The following HS6ST2 variants were observed in gnomAD, a reference collection of about 807,000 sequenced individuals.
The protein encoded by HS6ST2 is heparan sulfate 6-O-sulfotransferase 2.
In HS6ST2, 17 loss-of-function variants were observed where a neutral mutation model predicts 33.0. The ratio of observed to expected loss-of-function variants is 0.52; its 90% CI spans 0.35 to 0.77. The LOEUF is 0.77. HS6ST2 is among the 30% of genes least tolerant of loss of function. The probability of loss-of-function intolerance (pLI) is 0.01; values close to 1 mark genes in which losing one functional copy is unlikely to be tolerated. For synonymous variants in HS6ST2, 248 were observed against 237.1 expected (o/e 1.05, Z -0.42); for missense variants, 519 against 551.7 (o/e 0.94, Z 0.59).
At chrX:132,778,348 A>G (rs539454801) in intron 2 of HS6ST2, among the ~76,000 whole-genome samples, 6 of 112,410 alleles carry the variant, frequency 5.3e-5, no homozygotes, top group African/African-American at 1.9e-4. Context: ...TAAAATGTAT[A>G]TCAGATGCTG....
chrX:132,868,452 T>C (rs184755257), intron 2 of HS6ST2, among the ~76,000 whole-genome samples: 1 of 112,278 alleles, frequency 8.9e-6, no homozygotes, highest in Non-Finnish European at 1.9e-5. Context: ...TACAGAATTC[T>C]CCACCCCAAA....
rs374585932 is a variant in HS6ST2 at position 132,944,260 on chromosome X, C to T, written c.947+12548G>A. 9.0e-5 allele frequency among the ~76,000 whole-genome samples: 10 copies of T among 111,115 alleles called. No individual in the cohort carries two copies. The East Asian group carries it at 2.6e-3, about 28-fold the overall frequency. On this transcript the variant is annotated intron_variant, in intron 2 of 4. Transcript: ENST00000370833. Reference sequence around the variant, plus strand: ...TGAGTGAACTCCCATTCACAACTGCCTCAAAGAGAATAAAATACCTAGGAA... The same window carrying T: ...TGAGTGAACTCCCATTCACAACTGCTTCAAAGAGAATAAAATACCTAGGAA...
In HS6ST2 at chrX:132,656,454, T is replaced by G. The variant is rs1275606113; in HGVS notation, c.1067+12659A>C. Among the ~76,000 whole-genome samples, 3 of 110,954 alleles carry G rather than the reference T, an allele frequency of 2.7e-5. No individual in the cohort carries two copies. The East Asian group carries it at 8.5e-4, about 31-fold the overall frequency. ...GGGCTTTTGTATTTTTTATTTTTATTTATTTATTTTTATTTCAATAGCTTT... is the reference window on the plus strand; with the variant it reads ...GGGCTTTTGTATTTTTTATTTTTATGTATTTATTTTTATTTCAATAGCTTT... On this transcript the variant is annotated intron_variant, in intron 4 of 4. Coordinates refer to ENST00000370833, the MANE Select transcript of HS6ST2 (RefSeq NM_001394073.1).
intron 4 of HS6ST2, among the ~76,000 whole-genome samples, chrX:132,639,422 G>T (rs979548370): frequency 9.0e-6 from 1 of 111,561 alleles, no homozygotes; most frequent in Non-Finnish European, 1.9e-5. Context: ...GTGAGTCTTG[G>T]TTCATTAATA....
chrX:132,692,273 G>A (rs935398762), intron 3 of HS6ST2, among the ~76,000 whole-genome samples: 2 of 111,036 alleles, frequency 1.8e-5, no homozygotes, highest in Non-Finnish European at 3.8e-5. Flanking sequence ...TCTTCCGCCC[G>A]GGTGACACAG....
At chrX:132,949,066 A>T (rs1392083003) in intron 2 of HS6ST2, among the ~76,000 whole-genome samples, 1 of 111,634 alleles carries the variant, frequency 9.0e-6, no homozygotes, top group Non-Finnish European at 1.9e-5. Flanking sequence ...TAATACTCTT[A>T]TGCAGTGAAA....
At chrX:132,945,346 C>G (rs1400815424) in intron 2 of HS6ST2, among the ~76,000 whole-genome samples, 1 of 111,650 alleles carries the variant, frequency 9.0e-6, no homozygotes, top group East Asian at 2.8e-4. Flanking sequence ...ATTAAAAAGT[C>G]AAGAAACAAC....
intron 2 of HS6ST2, among the ~76,000 whole-genome samples, chrX:132,916,448 C>T (rs1402933110): frequency 0.016 from 2 of 127 alleles, no homozygotes; most frequent in Non-Finnish European, 0.029. Context: ...TAAGTGTCAA[C>T]TTGATTGGAT....
chrX:132,670,410 T>C (rs1259319152), intron 3 of HS6ST2, among the ~76,000 whole-genome samples: 1 of 110,976 alleles, frequency 9.0e-6, no homozygotes, highest in Admixed American at 9.7e-5. Context: ...TAATGATGGG[T>C]TCCTGGTGAT....
chrX:132,673,512 T>C (rs1003988680), intron 3 of HS6ST2, among the ~76,000 whole-genome samples: 1 of 112,777 alleles, frequency 8.9e-6, no homozygotes, highest in Non-Finnish European at 1.9e-5. Flanking sequence ...AGAGTGCCTC[T>C]GAAATAACAC....
chrX:132,863,962 C>G (rs768226775), intron 2 of HS6ST2, among the ~76,000 whole-genome samples: 6 of 111,595 alleles, frequency 5.4e-5, no homozygotes, highest in African/African-American at 1.6e-4. Context: ...CAAACAGGGT[C>G]TGGACTGGAC....
chrX:132,872,107 T>C (rs1326189062), intron 2 of HS6ST2, among the ~76,000 whole-genome samples: 1 of 111,152 alleles, frequency 9.0e-6, no homozygotes, highest in African/African-American at 3.3e-5. Flanking sequence ...CATTCCAGTA[T>C]TATTCTGGGG....
intron 2 of HS6ST2, among the ~76,000 whole-genome samples, chrX:132,738,654 A>G (rs1206399522): frequency 8.9e-6 from 1 of 111,963 alleles, no homozygotes; most frequent in African/African-American, 3.3e-5. Context: ...TTATGAAAAC[A>G]ACGTTTCATA....
intron 2 of HS6ST2, among the ~76,000 whole-genome samples, chrX:132,926,272 G>T (rs2066709418): frequency 8.9e-6 from 1 of 112,546 alleles, no homozygotes; most frequent in Non-Finnish European, 1.9e-5. Flanking sequence ...TGACAAGAAG[G>T]TACAGTTGTT....
At chrX:132,861,171 A>T (rs2065907919) in intron 2 of HS6ST2, among the ~76,000 whole-genome samples, 1 of 111,626 alleles carries the variant, frequency 9.0e-6, no homozygotes, top group African/African-American at 3.3e-5. Context: ...TGCCATTATA[A>T]ACATTTTCCA....
intron 2 of HS6ST2, among the ~76,000 whole-genome samples, chrX:132,947,088 A>G (rs1372936969): frequency 9.0e-6 from 1 of 111,585 alleles, no homozygotes; most frequent in Non-Finnish European, 1.9e-5. Flanking sequence ...ATGGTCTACA[A>G]GATAATTCAT....
intron 2 of HS6ST2, among the ~76,000 whole-genome samples, chrX:132,880,496 G>C (rs1602797236): frequency 1.0e-5 from 1 of 97,445 alleles, no homozygotes; most frequent in East Asian, 3.3e-4. Context: ...CTACACTCCA[G>C]CCTGGATGGC....
At chrX:132,906,746 C>A (rs1439379116) in intron 2 of HS6ST2, among the ~76,000 whole-genome samples, 6 of 111,285 alleles carry the variant, frequency 5.4e-5, no homozygotes, top group African/African-American at 2.0e-4. Context: ...TGGCTCACTG[C>A]AACCTCTGCC....
chrX:132,746,204 T>C (rs748214003), intron 2 of HS6ST2, among the ~76,000 whole-genome samples: 2 of 111,326 alleles, frequency 1.8e-5, no homozygotes, highest in Non-Finnish European at 3.8e-5. Flanking sequence ...CAAAAGTTAA[T>C]GTGGTTTTTG....
Sources: gnomAD v4.1 joint callset for allele counts (sites outside exome capture counted in the v4.1 genomes callset) on GRCh38, gnomAD v4.1.1 for gene constraint, MANE v1.5 for transcripts, NCBI Gene and HGNC (gene_info 2026-07-23, HGNC 2026-07-21) for gene names.